GBF1: variants seen among roughly 807,000 people sequenced by gnomAD.
GBF1 encodes the protein golgi brefeldin A resistant guanine nucleotide exchange factor 1.
In GBF1, 114 loss-of-function variants were observed where a neutral mutation model predicts 210.5. The ratio of observed to expected loss-of-function variants is 0.54; its 90% CI spans 0.47 to 0.63. GBF1 has a LOEUF of 0.63. Ranked by LOEUF, GBF1 falls within the 30% of genes least tolerant of loss-of-function variation. The pLI is 0.00. For synonymous variants in GBF1, 850 were observed against 889.2 expected (o/e 0.96, Z 0.78); for missense variants, 1,851 against 2,357.7 (o/e 0.79, Z 4.45).
At chr10:102,328,684 TG>T (rs1281866495) in intron 3 of GBF1, among the ~76,000 whole-genome samples, 1 of 152,178 alleles carries the variant, frequency 6.6e-6, no homozygotes, top group Non-Finnish European at 1.5e-5. Context: ...TTATTGAGAC[TG>T]GGGACTGTCT....
chr10:102,331,729 G>A (rs1413397347), intron 3 of GBF1, among the ~76,000 whole-genome samples: 1 of 151,990 alleles, frequency 6.6e-6, no homozygotes, highest in African/African-American at 2.4e-5. Context: ...CGCCCAGACT[G>A]GAATGCAGTG....
At chr10:102,275,936 G>T (rs2074917095) in intron 3 of GBF1, among the ~76,000 whole-genome samples, 1 of 152,198 alleles carries the variant, frequency 6.6e-6, no homozygotes, top group African/African-American at 2.4e-5. Flanking sequence ...CATTTCAGGG[G>T]TTTTAAATAA....
intron 1 of GBF1, among the ~76,000 whole-genome samples, chr10:102,255,941 G>A (rs1330147314): frequency 6.6e-6 from 1 of 152,148 alleles, no homozygotes; most frequent in Non-Finnish European, 1.5e-5. Context: ...TCATGGGCAT[G>A]GACACATTAT....
chr10:102,233,006 C>T, the GBF1 span, among the ~76,000 whole-genome samples: 65 of 152,208 alleles, frequency 4.3e-4, no homozygotes, highest in Non-Finnish European at 7.8e-4. Context: ...CTTGAAGGAA[C>T]TTGATGAGGC....
intron 12 of GBF1, among the ~76,000 whole-genome samples, 160 bp from the exon 13 acceptor site, chr10:102,360,862 C>T (rs982889043): frequency 7.9e-5 from 12 of 151,992 alleles, no homozygotes; most frequent in African/African-American, 2.9e-4. Flanking sequence ...GTAATCCCAG[C>T]TTCTTGGGAG....
At chr10:102,323,413 G>A (rs1589635838) in intron 3 of GBF1, among the ~76,000 whole-genome samples, 1 of 152,134 alleles carries the variant, frequency 6.6e-6, no homozygotes, top group Admixed American at 6.6e-5. Context: ...AGGAACATGT[G>A]AGGGGTGGCA....
At chr10:102,327,591 G>T (rs748771054) in intron 3 of GBF1, among the ~76,000 whole-genome samples, 6 of 152,056 alleles carry the variant, frequency 3.9e-5, no homozygotes, top group Non-Finnish European at 8.8e-5. Flanking sequence ...AATCATTCTT[G>T]TTTCTATTCT....
At chr10:102,305,192 T>C (rs1040999599) in intron 3 of GBF1, among the ~76,000 whole-genome samples, 5 of 150,762 alleles carry the variant, frequency 3.3e-5, no homozygotes, top group African/African-American at 1.2e-4. Context: ...TGTGTGTGTG[T>C]GTGTGTGTGT....
chr10:102,342,379 T>G (rs2058251454), intron 3 of GBF1, among the ~76,000 whole-genome samples: 2 of 149,720 alleles, frequency 1.3e-5, no homozygotes, highest in Non-Finnish European at 3.0e-5. Flanking sequence ...TTTCAGTTTT[T>G]CACACACACG....
chr10:102,243,083 C>A (rs1489317323), upstream of GBF1, among the ~76,000 whole-genome samples: 1 of 152,130 alleles, frequency 6.6e-6, no homozygotes, highest in Non-Finnish European at 1.5e-5. Flanking sequence ...AGGACCTGAC[C>A]TTGTCTTCAT....
chr10:102,276,218 C>G (rs2074947416), intron 3 of GBF1, among the ~76,000 whole-genome samples: 2 of 149,450 alleles, frequency 1.3e-5, no homozygotes, highest in African/African-American at 5.0e-5. Flanking sequence ...GCCTGGGCAA[C>G]AGAGGGAGAC....
At chr10:102,352,298 G>C (rs2059038128) in intron 6 of GBF1, among the ~76,000 whole-genome samples, 160 bp from the exon 7 acceptor site, 1 of 152,148 alleles carries the variant, frequency 6.6e-6, no homozygotes, top group Admixed American at 6.5e-5. Flanking sequence ...CACCTAGTGG[G>C]CCAGTGAAGT....
rs772650147 is a variant in GBF1, at chr10:102,351,164, G to A, written c.296-92G>A. 59 of 749,720 alleles carry A rather than the reference G, an allele frequency of 7.9e-5. 1 individual carries two copies. Among genetic ancestry groups the A allele is most frequent in the Non-Finnish European group, 1.2e-4 (52 of 428,022 alleles). The allele number at this position is 749,720 out of a possible 1,614,324, so 46.4% of individuals were successfully genotyped here. On this transcript the variant is annotated intron_variant, in intron 4 of 39. Transcript: ENST00000369983. ...GAGCCACGGGTTAGGGAACTGAAGA[G>A]GAAAAACTGTCTCTCAAAGCTAGAC...
At chr10:102,364,664 C>T (rs1294829920) in intron 17 of GBF1, among the ~76,000 whole-genome samples, 1 of 151,424 alleles carries the variant, frequency 6.6e-6, no homozygotes, top group African/African-American at 2.4e-5. Context: ...GCCTGGCTAA[C>T]ACGATGAAAC....
At chr10:102,298,875 C>T (rs2077115538) in intron 3 of GBF1, among the ~76,000 whole-genome samples, 1 of 152,214 alleles carries the variant, frequency 6.6e-6, no homozygotes, top group African/African-American at 2.4e-5. Flanking sequence ...GAAGTCTTGA[C>T]TATTCTCATC....
chr10:102,370,050 C>T, intron 26 of GBF1, 66 bp downstream of exon 26: 1 of 1,586,918 alleles, frequency 6.3e-7, no homozygotes. Flanking sequence ...ACTTGGTGAA[C>T]TGAAGAATAA....
rs562888640 is a variant in GBF1 at position 102,309,706 on chromosome 10, A to G, written c.164-34345A>G. Among the ~76,000 whole-genome samples the G allele has an allele frequency of 3.9e-5, 6 of 152,116 alleles. No individual in the cohort carries two copies. In the East Asian group the frequency reaches 9.7e-4, roughly 24 times the overall value. On this transcript the variant is annotated intron_variant, in intron 3 of 39. Transcript: ENST00000369983. ...TTTTTAGTTAAATCATAACCTAGTTATGATTTTTGTGTGTCCTTGTTTATG... is the reference window on the plus strand; with the variant it reads ...TTTTTAGTTAAATCATAACCTAGTTGTGATTTTTGTGTGTCCTTGTTTATG...
intron 3 of GBF1, among the ~76,000 whole-genome samples, chr10:102,303,385 C>T (rs2077564747): frequency 6.6e-6 from 1 of 152,178 alleles, no homozygotes; most frequent in Admixed American, 6.5e-5. Flanking sequence ...GGCTATTCCC[C>T]ATTGCATGGT....
chr10:102,344,884 T>C (rs957392599), intron 4 of GBF1, among the ~76,000 whole-genome samples: 18 of 152,226 alleles, frequency 1.2e-4, no homozygotes, highest in Non-Finnish European at 2.5e-4. Flanking sequence ...GTCCTTCCTG[T>C]ACTTTCTCAA....
Sources: gnomAD v4.1 joint callset for allele counts (sites outside exome capture counted in the v4.1 genomes callset) on GRCh38, gnomAD v4.1.1 for gene constraint, MANE v1.5 for transcripts, NCBI Gene and HGNC (gene_info 2026-07-23, HGNC 2026-07-21) for gene names.